Variants in ARMC8 observed in about 807,000 individuals in gnomAD.
ARMC8 encodes armadillo repeat containing 8, also known as armadillo repeat-containing protein 8.
A neutral mutation model predicts 99.3 loss-of-function variants in ARMC8; 20 were observed. That is an observed-to-expected ratio of 0.20 (90% CI 0.14 to 0.29). ARMC8 has a LOEUF of 0.29. Ranked by LOEUF, ARMC8 falls within the 10% of genes least tolerant of loss-of-function variation. ARMC8 has a pLI of 1.00. For synonymous variants in ARMC8, 263 were observed against 278.3 expected (o/e 0.95, Z 0.55); for missense variants, 569 against 809.5 (o/e 0.70, Z 3.60).
At chr3:138,249,225 C>A (rs1279652458) in intron 12 of ARMC8, among the ~76,000 whole-genome samples, 1 of 152,110 alleles carries the variant, frequency 6.6e-6, no homozygotes, top group Admixed American at 6.6e-5. Context: ...CCTAACCTCA[C>A]TAGCAATTCT....
intron 19 of ARMC8, among the ~76,000 whole-genome samples, chr3:138,286,474 T>C (rs559487127): frequency 1.3e-5 from 2 of 152,290 alleles, no homozygotes; most frequent in South Asian, 4.1e-4. Flanking sequence ...CCTGGAAATA[T>C]CCTTTTCTCT....
chr3:138,223,829 G>GA, intron 5 of ARMC8, 96 bp downstream of exon 5: 1 of 1,092,572 alleles, frequency 9.2e-7, no homozygotes, highest in Non-Finnish European at 1.4e-6. Context: ...ACTGTGTTAT[G>GA]TAAAAAAGTC....
At chr3:138,262,486 C>A in intron 12 of ARMC8, 1 of 1,576,910 alleles carries the variant, frequency 6.3e-7, no homozygotes, top group Non-Finnish European at 8.6e-7. Flanking sequence ...CTGAAACATC[C>A]TGAGGTTTTC....
rs1429742162 is a variant in ARMC8, at chr3:138,296,881, T to C, written c.*989T>C. 6.6e-6 allele frequency: 1 copy of C among 152,170 alleles called. No individual in the cohort carries two copies. Among genetic ancestry groups the C allele is most frequent in the Non-Finnish European group, 1.5e-5 (1 of 68,028 alleles). 9.4% of individuals were successfully genotyped at this position (152,170 alleles called of 1,614,324 possible). On this transcript the variant is annotated 3_prime_UTR_variant, in exon 22 of 22. Transcript: ENST00000469044. ...TAACTCCTGTCATTGGTATTAGCAA[T>C]ATCTGGCCAGATTTAGAACCAGTCA...
intron 15 of ARMC8, among the ~76,000 whole-genome samples, chr3:138,267,911 T>C (rs887868877): frequency 2.6e-5 from 4 of 152,200 alleles, no homozygotes; most frequent in African/African-American, 9.7e-5. Flanking sequence ...ATAACACTTG[T>C]AGGCATTGAC....
intron 1 of ARMC8, among the ~76,000 whole-genome samples, chr3:138,200,323 G>GTTTACTTAAATACAATAAATGATA (rs370520603): frequency 0.064 from 9,690 of 152,202 alleles, 1,015 homozygotes; most frequent in African/African-American, 0.22. Flanking sequence ...ATGTTGTAAT[G>GTTTACTTAAATACAATAAATGATA]TTTTTATGTG....
Position 138,273,040 on chromosome 3 carries a change from GGTT to G in ARMC8, c.1554_1556del (p.Leu520del), listed in dbSNP as rs1258038072. 1.2e-6 allele frequency: 2 copies of G among 1,613,000 alleles called. No individual in the cohort carries two copies. Among genetic ancestry groups the G allele is most frequent in the Non-Finnish European group, 1.7e-6 (2 of 1,179,430 alleles). On this transcript the variant is annotated inframe_deletion, in exon 17 of 22. Coordinates refer to ENST00000469044, the MANE Select transcript of ARMC8 (RefSeq NM_001363941.2). ...AGCTTGAGTACTGAACAGCTATTCC[GGTT>G]ATTATCAGATTCAGATTTGAATGTG...
At chr3:138,285,505 C>T (rs1380028053) in intron 19 of ARMC8, among the ~76,000 whole-genome samples, 1 of 152,220 alleles carries the variant, frequency 6.6e-6, no homozygotes, top group African/African-American at 2.4e-5. Context: ...GACCTTCACA[C>T]ATACTGGCTT....
chr3:138,245,687 T>C, intron 12 of ARMC8: 1 of 993,348 alleles, frequency 1.0e-6, no homozygotes, highest in Non-Finnish European at 1.2e-6. Flanking sequence ...ATGATGATTT[T>C]ATGTTTAGTG....
intron 12 of ARMC8, chr3:138,262,730 G>T: frequency 4.8e-6 from 4 of 832,938 alleles, no homozygotes; most frequent in Non-Finnish European, 3.4e-6. Flanking sequence ...GACAACCAAG[G>T]TTAAGATCTA....
intron 1 of ARMC8, 176 bp downstream of exon 1, chr3:138,187,775 C>T (rs2043148489): frequency 1.2e-5 from 8 of 657,892 alleles, no homozygotes; most frequent in Non-Finnish European, 2.0e-5. Context: ...CAGAGGGGAC[C>T]GCGGCCGAGC....
At chr3:138,250,928 CT>C (rs1559990401) in intron 12 of ARMC8, among the ~76,000 whole-genome samples, 1 of 152,028 alleles carries the variant, frequency 6.6e-6, no homozygotes, top group Non-Finnish European at 1.5e-5. Flanking sequence ...GGGAGGATTG[CT>C]TTAGCTCAGG....
chr3:138,290,742 T>G, intron 21 of ARMC8, 103 bp downstream of exon 21: 1 of 730,244 alleles, frequency 1.4e-6, no homozygotes, highest in Non-Finnish European at 2.3e-6. Flanking sequence ...TTAAAATCTT[T>G]TAGATTCTTA....
At chr3:138,231,404 A>G (rs548781025) in intron 6 of ARMC8, among the ~76,000 whole-genome samples, 1 of 152,338 alleles carries the variant, frequency 6.6e-6, no homozygotes, top group South Asian at 2.1e-4. Context: ...ACTGGTATCA[A>G]TATTAAATAA....
chr3:138,266,875 A>G (rs369083241), intron 14 of ARMC8, among the ~76,000 whole-genome samples: 1 of 152,156 alleles, frequency 6.6e-6, no homozygotes, highest in Admixed American at 6.5e-5. Flanking sequence ...AGCATTTCAC[A>G]TAAGAGTATC....
chr3:138,255,414 G>A (rs568740161), intron 12 of ARMC8, among the ~76,000 whole-genome samples: 2 of 152,008 alleles, frequency 1.3e-5, no homozygotes, highest in African/African-American at 4.8e-5. Flanking sequence ...GTGTTAGTCA[G>A]GACAGTCTCG....
chr3:138,215,473 C>T (rs1187110090), intron 2 of ARMC8, among the ~76,000 whole-genome samples: 1 of 152,096 alleles, frequency 6.6e-6, no homozygotes, highest in African/African-American at 2.4e-5. Context: ...GCCTCGGCCT[C>T]CCAAAGTGCT....
At chr3:138,243,799 A>G (rs1034152065) in intron 11 of ARMC8, among the ~76,000 whole-genome samples, 2 of 152,186 alleles carry the variant, frequency 1.3e-5, no homozygotes, top group African/African-American at 4.8e-5. Context: ...TTTTCTAGCT[A>G]ATAATACCAG....
rs996506956 is a variant in ARMC8, at chr3:138,234,903, GTTTA to G, written c.529-126_529-123del. On this transcript the variant is annotated intron_variant, in intron 6 of 21. Coordinates refer to ENST00000469044, the MANE Select transcript of ARMC8 (RefSeq NM_001363941.2). ...GTTTGTGCTGCTTTTTGAGGTTTGA[GTTTA>G]TTTAAGCAAAGAGTAACAGGATTCT... 2.5e-5 allele frequency: 17 copies of G among 688,994 alleles called. No individual in the cohort carries two copies. In the African/African-American group the frequency reaches 2.9e-4, roughly 12 times the overall value. The allele number at this position is 688,994 out of a possible 1,614,324, so 42.7% of individuals were successfully genotyped here. A position where few individuals can be genotyped will look rare whatever the true frequency, so the allele number is the denominator to read the frequency against.
Sources: allele counts gnomAD v4.1 joint callset (sites outside exome capture counted in the v4.1 genomes callset), GRCh38; gene constraint gnomAD v4.1.1; transcripts MANE v1.5; gene names NCBI Gene and HGNC (gene_info 2026-07-23, HGNC 2026-07-21).